Variants in NOTCH1 observed in about 807,000 individuals in gnomAD.
NOTCH1 encodes notch receptor 1.
NOTCH1 carries 37 observed loss-of-function variants against 254.8 expected under a neutral mutation model. That is an observed-to-expected ratio of 0.15 (90% CI 0.11 to 0.19). The LOEUF (loss-of-function observed/expected upper bound fraction) is 0.19, where lower values mean the gene tolerates loss of function less well. Ranked by LOEUF, NOTCH1 falls within the 10% of genes least tolerant of loss-of-function variation. NOTCH1 has a pLI of 1.00. For synonymous variants in NOTCH1, 1,731 were observed against 1,618.1 expected (o/e 1.07, Z -1.68); for missense variants, 2,972 against 3,708.6 (o/e 0.80, Z 5.16).
rs1227464582 is a variant in NOTCH1 at position 136,496,835 on chromosome 9, T to C, written c.6904A>G (p.Thr2302Ala). Residue 2302 changes from threonine to alanine, a missense_variant, in exon 34 of 34, where the codon ACC becomes GCC. Physicochemically the swap from Thr to Ala is moderately conservative, Grantham distance 58 (BLOSUM62 0). This residue lies in a region of NOTCH1 where 529 missense variants were observed against 529.2 expected (regional missense o/e 1.00). Transcript: ENST00000651671. ...CACTCGCATTGACCATTCAAACTGG[T>C]GGACCCGCCCACAGTGAAATTCAGG... ...GALNFTVGGS[T>A]SLNGQCEWLS... is the part of the protein sequence containing the mutation. The C allele has an allele frequency of 6.2e-7, 1 of 1,612,938 alleles. No individual in the cohort carries two copies. Among genetic ancestry groups the C allele is most frequent in the Non-Finnish European group, 8.5e-7 (1 of 1,180,000 alleles).
rs1842961069 is a variant in NOTCH1 at position 136,499,217 on chromosome 9, G to C, written c.5977C>G (p.His1993Asp). The C allele has an allele frequency of 6.2e-7, 1 of 1,613,170 alleles. No homozygotes were observed. The highest frequency in any genetic ancestry group is 8.5e-7 in the Non-Finnish European group (1 of 1,180,006). ...AGGATCAGTGGCGTCGTGCCATCAT[G>C]CATGCGGGCATCCAGGTCTGTGGCT... ...NRATDLDARM[H>D]DGTTPLILAA... The change falls in exon 32 of 34, where the codon CAT (histidine) becomes GAT (aspartate). Residue 1993 changes from histidine to aspartate, a missense_variant. Transcript: ENST00000651671.
chr9:136,529,882 G>A (rs1283479531), intron 2 of NOTCH1, among the ~76,000 whole-genome samples: 1 of 152,242 alleles, frequency 6.6e-6, no homozygotes, highest in Non-Finnish European at 1.5e-5. Flanking sequence ...CCACGAGATT[G>A]GGGGCTGCGA....
chr9:136,497,100 C>G lies in NOTCH1; in HGVS notation c.6639G>C (p.Val2213=), dbSNP rs1177350288. 3.7e-6 allele frequency: 6 copies of G among 1,610,340 alleles called. No homozygotes were observed. The highest frequency in any genetic ancestry group is 4.2e-6 in the Non-Finnish European group (5 of 1,178,392). ...LESPHGYLSD[V]ASPPLLPSPF... is the part of the protein sequence containing the mutation. ...GGGAGGGCAGCAGTGGCGGCGAGGC[C>G]ACGTCTGACAGGTAGCCATGGGGTG... The change falls in exon 34 of 34, where the codon GTG becomes GTC. Residue 2213 remains valine, a synonymous_variant. Coordinates refer to ENST00000651671, the MANE Select transcript of NOTCH1 (RefSeq NM_017617.5).
chr9:136,515,231 G>A (rs1843244522), intron 12 of NOTCH1, 59 bp downstream of exon 12: 10 of 1,526,226 alleles, frequency 6.6e-6, no homozygotes, highest in Non-Finnish European at 8.1e-6. Context: ...CCAGGGCAGA[G>A]TGGCTGACCT....
intron 2 of NOTCH1, among the ~76,000 whole-genome samples, chr9:136,527,802 C>G (rs924930409): frequency 6.6e-6 from 1 of 152,180 alleles, no homozygotes; most frequent in African/African-American, 2.4e-5. Flanking sequence ...CTGGGCCCCC[C>G]GCAGGTGAGC....
intron 2 of NOTCH1, among the ~76,000 whole-genome samples, chr9:136,536,040 G>GAGT (rs1843651986): frequency 6.6e-6 from 1 of 151,610 alleles, no homozygotes; most frequent in South Asian, 2.1e-4. Flanking sequence ...ACAGGGTAGG[G>GAGT]GGGCGCACTG....
intron 2 of NOTCH1, among the ~76,000 whole-genome samples, chr9:136,533,072 C>CGTGAACATGAAACCACA (rs367666292): frequency 1.7e-5 from 2 of 116,440 alleles, no homozygotes; most frequent in Non-Finnish European, 3.5e-5. Context: ...CGGCCTGAGC[C>CGTGAACATGAAACCACA]CCGCCACCAT....
At chr9:136,514,446 T>A in intron 13 of NOTCH1, 64 bp downstream of exon 13, 3 of 1,495,086 alleles carry the variant, frequency 2.0e-6, no homozygotes, top group Non-Finnish European at 2.7e-6. Flanking sequence ...GGTGCCACCC[T>A]CCTGGCAGCA....
At chr9:136,526,236 G>T (rs1420020956) in intron 2 of NOTCH1, among the ~76,000 whole-genome samples, 1 of 152,260 alleles carries the variant, frequency 6.6e-6, no homozygotes, top group East Asian at 1.9e-4. Flanking sequence ...GAGTGCACAG[G>T]CTGGGCTGGG....
In NOTCH1 at chr9:136,507,194, T is replaced by C. The variant is rs11574902; in HGVS notation, c.3643+111A>G. On this transcript the variant is annotated intron_variant, in intron 22 of 33. Coordinates refer to ENST00000651671, the MANE Select transcript of NOTCH1 (RefSeq NM_017617.5). ...TCGGCCTTGGCCTCACACAGGAAAA[T>C]GGGAGTTTCTGGCTGGTTCCTGGAT... 0.1 allele frequency: 162,307 copies of C among 1,572,880 alleles called. 9,778 individuals carry two copies. The highest frequency in any genetic ancestry group is 0.24 in the South Asian group (21,087 of 89,432).
chr9:136,505,917 G>A (rs1589059129), intron 24 of NOTCH1, 36 bp from the exon 25 acceptor site: 11 of 1,539,298 alleles, frequency 7.1e-6, no homozygotes, highest in South Asian at 1.2e-5. Context: ...TGTCGGGGTG[G>A]GCCACCCCCC....
chr9:136,528,240 T>G, intron 2 of NOTCH1, among the ~76,000 whole-genome samples: 1 of 136,578 alleles, frequency 7.3e-6, no homozygotes. Context: ...GGGGTGGGGG[T>G]GTGGGGTCAG....
chr9:136,518,895 G>C, intron 5 of NOTCH1, 71 bp from the exon 6 acceptor site: 2 of 1,396,484 alleles, frequency 1.4e-6, no homozygotes, highest in Non-Finnish European at 2.0e-6. Flanking sequence ...TAAGACGCAG[G>C]GTGGCAATGC....
At chr9:136,509,291 C>T (rs1843139934) in intron 18 of NOTCH1, among the ~76,000 whole-genome samples, 2 of 152,296 alleles carry the variant, frequency 1.3e-5, no homozygotes, top group East Asian at 1.9e-4. Context: ...CTTTATAAGT[C>T]AGGTCGAGAG....
At chr9:136,516,807 C>T (rs1005763436) in intron 9 of NOTCH1, among the ~76,000 whole-genome samples, 1 of 152,208 alleles carries the variant, frequency 6.6e-6, no homozygotes, top group Non-Finnish European at 1.5e-5. Context: ...CTCCCACTCC[C>T]CACTGGGCCC....
intron 18 of NOTCH1, among the ~76,000 whole-genome samples, 199 bp downstream of exon 18, chr9:136,509,534 G>A (rs1170074744): frequency 6.6e-6 from 1 of 152,222 alleles, no homozygotes; most frequent in Non-Finnish European, 1.5e-5. Flanking sequence ...CGCTCCTGGT[G>A]CGGGACACAG....
rs146454397 is a variant in NOTCH1, at chr9:136,513,584, G to A, written c.2208-47C>T. The A allele has an allele frequency of 8.6e-5, 138 of 1,608,902 alleles. 1 individual carries two copies. In the East Asian group the frequency reaches 2.5e-3, roughly 30 times the overall value. On this transcript the variant is annotated intron_variant, in intron 13 of 33. Transcript: ENST00000651671. This position sits in a 1 kb window ranked among gnomAD's most constrained non-coding sequence, Gnocchi z 4.7. ...AGGTCGAGGGAGGCCCGAGCAGCAC[G>A]GCCGGGGCCTGGGCACTCCCGGGTC...
intron 15 of NOTCH1, 55 bp downstream of exon 15, chr9:136,512,966 C>T (rs573832879): frequency 1.9e-5 from 13 of 689,232 alleles, no homozygotes; most frequent in Middle Eastern, 4.6e-4. Context: ...GCACAGGTCC[C>T]GCCCCTCCCA....
chr9:136,500,370 G>A (rs1842976426), intron 31 of NOTCH1, among the ~76,000 whole-genome samples, 182 bp downstream of exon 31: 1 of 152,240 alleles, frequency 6.6e-6, no homozygotes, highest in East Asian at 1.9e-4. Flanking sequence ...GAACACAGAT[G>A]GGCCCGACGC....
Sources: allele counts gnomAD v4.1 joint callset (sites outside exome capture counted in the v4.1 genomes callset), GRCh38; gene constraint gnomAD v4.1.1; regional missense constraint gnomAD v4.1.1; non-coding constraint Gnocchi (gnomAD v3.1); transcripts MANE v1.5; gene names NCBI Gene and HGNC (gene_info 2026-07-23, HGNC 2026-07-21).